Variants in NKAIN3 observed in about 807,000 individuals in gnomAD.
The protein encoded by NKAIN3 is sodium/potassium transporting ATPase interacting 3, also known as sodium/potassium-transporting ATPase subunit beta-1-interacting protein 3.
Under a neutral mutation model 30.2 loss-of-function variants are expected in NKAIN3, and 25 were observed. The ratio of observed to expected loss-of-function variants is 0.83; its 90% CI spans 0.60 to 1.16. The LOEUF is 1.16. Among genes scored for constraint, NKAIN3 ranks in the 50% most tolerant of loss-of-function variants. The pLI, the probability that NKAIN3 is intolerant of heterozygous loss-of-function variation, is 0.00. For missense variants in NKAIN3, 225 were observed against 254.1 expected (o/e 0.89, Z 0.78); for synonymous variants, 91 against 89.6 (o/e 1.02, Z -0.09).
chr8:62,733,578 A>T lies in NKAIN3; in HGVS notation c.274-13354A>T, dbSNP rs184880494. 1.6e-3 allele frequency among the ~76,000 whole-genome samples: 248 copies of T among 152,078 alleles called. 2 individuals are homozygous for T. Among genetic ancestry groups the T allele is most frequent in the Non-Finnish European group, 1.6e-4 (11 of 67,974 alleles). On this transcript the variant is annotated intron_variant, in intron 3 of 6. Coordinates refer to ENST00000623646, the MANE Select transcript of NKAIN3 (RefSeq NM_001304533.3). ...GCGTTTTAATAACTTCTTTTTTTTA[A>T]TTTAATATGTTATTATTTTACTGTA...
intron 3 of NKAIN3, among the ~76,000 whole-genome samples, chr8:62,651,487 A>T (rs1563500569): frequency 6.6e-6 from 1 of 152,200 alleles, no homozygotes. Context: ...CTATAACAAA[A>T]TACCAGAAAC....
At chr8:62,760,565 G>A (rs1402912032) in intron 4 of NKAIN3, among the ~76,000 whole-genome samples, 1 of 147,836 alleles carries the variant, frequency 6.8e-6, no homozygotes, top group African/African-American at 2.5e-5. Flanking sequence ...TCATAGGTTG[G>A]AATTGAACAA....
intron 3 of NKAIN3, among the ~76,000 whole-genome samples, chr8:62,674,930 G>A: frequency 6.6e-6 from 1 of 152,306 alleles, no homozygotes; most frequent in African/African-American, 2.4e-5. Context: ...CAGTTCTTCA[G>A]TCAACATTCT....
At chr8:62,841,359 A>G (rs1819526417) in intron 4 of NKAIN3, among the ~76,000 whole-genome samples, 1 of 151,968 alleles carries the variant, frequency 6.6e-6, no homozygotes, top group East Asian at 1.9e-4. Flanking sequence ...TTTGAAATAC[A>G]CAGTACATTA....
intron 3 of NKAIN3, among the ~76,000 whole-genome samples, chr8:62,612,422 A>C (rs1811324119): frequency 6.6e-6 from 1 of 152,018 alleles, no homozygotes. Context: ...GTCTGATATA[A>C]GTATAATGAC....
chr8:62,707,985 C>T (rs1159132059), intron 3 of NKAIN3, among the ~76,000 whole-genome samples: 2 of 152,084 alleles, frequency 1.3e-5, no homozygotes, highest in East Asian at 3.8e-4. Context: ...AAAGGGTGTC[C>T]TTTCCCCACT....
chr8:62,807,554 T>TA (rs1156404148), intron 4 of NKAIN3, among the ~76,000 whole-genome samples: 2 of 114,748 alleles, frequency 1.7e-5, no homozygotes, highest in Non-Finnish European at 3.8e-5. Context: ...TATTCTTTTC[T>TA]GGTTTTTTTT....
At chr8:62,294,852 G>A (rs764087209) in intron 1 of NKAIN3, among the ~76,000 whole-genome samples, 4 of 152,044 alleles carry the variant, frequency 2.6e-5, no homozygotes, top group South Asian at 2.1e-4. Context: ...GCCTCCTGTC[G>A]AAATTGAGTC....
intron 4 of NKAIN3, among the ~76,000 whole-genome samples, chr8:62,874,408 A>G (rs1484644315): frequency 2.6e-5 from 4 of 150,986 alleles, no homozygotes; most frequent in African/African-American, 9.7e-5. Flanking sequence ...AAATATAAAA[A>G]GGAGCTGAAA....
chr8:62,571,998 T>C (rs1384153584), intron 1 of NKAIN3, among the ~76,000 whole-genome samples: 5 of 152,184 alleles, frequency 3.3e-5, no homozygotes, highest in Non-Finnish European at 5.9e-5. Flanking sequence ...GGGATTAACA[T>C]TGGGCTTCTC....
At chr8:62,285,645 C>T (rs986233274) in intron 1 of NKAIN3, among the ~76,000 whole-genome samples, 1 of 152,066 alleles carries the variant, frequency 6.6e-6, no homozygotes, top group South Asian at 2.1e-4. Context: ...TATTGGTCCC[C>T]CTGCCATCTG....
chr8:62,967,928 A>G lies in NKAIN3; in HGVS notation c.*2521A>G, dbSNP rs1438887432. On this transcript the variant is annotated 3_prime_UTR_variant, in exon 7 of 7. Transcript: ENST00000623646. ...GAGTCTGAACTTAGTCTAAGTGCAG[A>G]TAACAGCTTTGAGGAAAAAATCCTT... Among the ~76,000 whole-genome samples, 1 of 152,238 alleles carries G rather than the reference A, an allele frequency of 6.6e-6. No individual in the cohort carries two copies. Among genetic ancestry groups the G allele is most frequent in the Non-Finnish European group, 1.5e-5 (1 of 68,048 alleles).
chr8:62,775,501 T>C (rs914147689), intron 4 of NKAIN3, among the ~76,000 whole-genome samples: 3 of 152,094 alleles, frequency 2.0e-5, no homozygotes, highest in Non-Finnish European at 4.4e-5. Flanking sequence ...CATTATATTA[T>C]TTATTTGAAG....
intron 4 of NKAIN3, among the ~76,000 whole-genome samples, chr8:62,755,476 T>A (rs1030483076): frequency 6.6e-6 from 1 of 152,180 alleles, no homozygotes; most frequent in Admixed American, 6.5e-5. Context: ...TTCTGATCAT[T>A]GTTGTTTATT....
chr8:62,647,578 A>G (rs1812505945), intron 3 of NKAIN3, among the ~76,000 whole-genome samples: 1 of 152,176 alleles, frequency 6.6e-6, no homozygotes, highest in South Asian at 2.1e-4. Context: ...AGGAATATCC[A>G]CGGGGAAACC....
At chr8:62,911,894 A>G (rs1821934651) in intron 4 of NKAIN3, among the ~76,000 whole-genome samples, 1 of 152,196 alleles carries the variant, frequency 6.6e-6, no homozygotes, top group Admixed American at 6.5e-5. Context: ...TAAAAACCTA[A>G]GGAACATTAG....
At chr8:62,751,969 C>T (rs1247006448) in intron 4 of NKAIN3, among the ~76,000 whole-genome samples, 1 of 152,082 alleles carries the variant, frequency 6.6e-6, no homozygotes, top group Non-Finnish European at 1.5e-5. Flanking sequence ...AAGCTTCTTG[C>T]AGGATAGAAT....
At chr8:62,887,705 T>A (rs1476471422) in intron 4 of NKAIN3, among the ~76,000 whole-genome samples, 1 of 151,218 alleles carries the variant, frequency 6.6e-6, no homozygotes, top group African/African-American at 2.4e-5. Context: ...TTATACAATG[T>A]TTTTTATCTC....
At chr8:62,314,098 T>C (rs1037797532) in intron 1 of NKAIN3, among the ~76,000 whole-genome samples, 1 of 152,154 alleles carries the variant, frequency 6.6e-6, no homozygotes, top group African/African-American at 2.4e-5. Flanking sequence ...TAACTATCTC[T>C]CAAGTTTCTT....
Sources: gnomAD v4.1 joint callset for allele counts (sites outside exome capture counted in the v4.1 genomes callset) on GRCh38, gnomAD v4.1.1 for gene constraint, MANE v1.5 for transcripts, NCBI Gene and HGNC (gene_info 2026-07-23, HGNC 2026-07-21) for gene names.